EYS: variants seen among roughly 807,000 people sequenced by gnomAD.
EYS encodes protein eyes shut homolog.
In EYS, 250 loss-of-function variants were observed where a neutral mutation model predicts 282.1. The ratio of observed to expected loss-of-function variants is 0.89; its 90% confidence interval spans 0.80 to 0.98. The LOEUF (loss-of-function observed/expected upper bound fraction) is 0.98. Ranked by LOEUF, EYS falls within the 50% of genes least tolerant of loss-of-function variation. The probability of loss-of-function intolerance (pLI) is 0.00; values close to 1 mark genes in which losing one functional copy is unlikely to be tolerated. For missense variants in EYS, 4,016 were observed against 3,709.0 expected (o/e 1.08, Z -2.15); for synonymous variants, 1,355 against 1,282.9 (o/e 1.06, Z -1.20).
Position 64,995,430 on chromosome 6 carries a change from TC to T in EYS, c.2259+2151del, listed in dbSNP as rs555176168. 1.9e-3 allele frequency among the ~76,000 whole-genome samples: 285 copies of T among 152,270 alleles called. 2 individuals are homozygous for T. Among genetic ancestry groups the T allele is most frequent in the African/African-American group, 6.8e-3 (281 of 41,558 alleles). On this transcript the variant is annotated intron_variant, in intron 14 of 42. Coordinates refer to ENST00000503581, the MANE Select transcript of EYS (RefSeq NM_001142800.2). ...AAAAAGTAAAACAGTTTTTCTGAGT[TC>T]TTCTTATACATTATCAAACCTGAGG...
intron 2 of EYS, among the ~76,000 whole-genome samples, chr6:65,541,811 T>C (rs1768178947): frequency 6.6e-6 from 1 of 152,110 alleles, no homozygotes; most frequent in Non-Finnish European, 1.5e-5. Flanking sequence ...AAAATGAAGA[T>C]GTGTTCCAAT....
chr6:64,036,271 T>C (rs1222197563), intron 33 of EYS, among the ~76,000 whole-genome samples: 1 of 151,406 alleles, frequency 6.6e-6, no homozygotes, highest in East Asian at 1.9e-4. Context: ...GGTGATGGAG[T>C]TTGGGTGCAG....
intron 26 of EYS, among the ~76,000 whole-genome samples, chr6:64,543,619 G>A (rs1764755708): frequency 6.6e-6 from 1 of 152,098 alleles, no homozygotes; most frequent in Non-Finnish European, 1.5e-5. Flanking sequence ...CAATCTAGCT[G>A]TATTAACACA....
intron 19 of EYS, among the ~76,000 whole-genome samples, chr6:64,830,065 C>A (rs934425564): frequency 6.6e-6 from 1 of 151,790 alleles, no homozygotes; most frequent in Non-Finnish European, 1.5e-5. Flanking sequence ...AATCCTAACC[C>A]CTAAAGTGAT....
rs200471206 is a variant in EYS, at chr6:63,864,215, T to C, written c.7199A>G (p.Tyr2400Cys). ...SGTDIVCLCPYGRSGPLCTDA... is the reference protein window; with the variant it reads ...SGTDIVCLCPCGRSGPLCTDA... Reference sequence around the variant, plus strand: ...AGTGCAGAGGGGTCCAGACCTCCCATATGGGCAGAGGCAGACAATATCTGT... The same window carrying C: ...AGTGCAGAGGGGTCCAGACCTCCCACATGGGCAGAGGCAGACAATATCTGT... Residue 2400 changes from tyrosine to cysteine, a missense_variant, in exon 36 of 43, where the codon TAT (tyrosine) becomes TGT (cysteine). Tyr to Cys is a radical substitution (Grantham distance 194). Coordinates refer to ENST00000503581, the MANE Select transcript of EYS (RefSeq NM_001142800.2). 7.8e-6 allele frequency: 12 copies of C among 1,546,896 alleles called. No homozygotes were observed. Among genetic ancestry groups the C allele is most frequent in the African/African-American group, 2.7e-5 (2 of 72,946 alleles).
chr6:65,420,944 G>T (rs1265284085), intron 5 of EYS, among the ~76,000 whole-genome samples: 2 of 151,776 alleles, frequency 1.3e-5, no homozygotes, highest in East Asian at 3.9e-4. Flanking sequence ...CTGTAAACAG[G>T]TGTGTGGTCA....
intron 35 of EYS, among the ~76,000 whole-genome samples, chr6:63,945,291 T>G (rs1765362717): frequency 6.6e-6 from 1 of 152,036 alleles, no homozygotes; most frequent in Admixed American, 6.6e-5. Context: ...AGGAAGGCCC[T>G]TATAAAACCA....
At chr6:64,844,834 A>G (rs2150037310) in intron 19 of EYS, among the ~76,000 whole-genome samples, 1 of 152,302 alleles carries the variant, frequency 6.6e-6, no homozygotes, top group South Asian at 2.1e-4. Context: ...TGGTAATTTC[A>G]AAAACCATTA....
At chr6:64,824,825 A>T (rs1765002919) in intron 19 of EYS, among the ~76,000 whole-genome samples, 1 of 151,850 alleles carries the variant, frequency 6.6e-6, no homozygotes, top group African/African-American at 2.4e-5. Flanking sequence ...CATCATCAAG[A>T]TTATCTTAGG....
intron 31 of EYS, among the ~76,000 whole-genome samples, chr6:64,097,025 C>T (rs1447664862): frequency 6.6e-6 from 1 of 152,114 alleles, no homozygotes; most frequent in Non-Finnish European, 1.5e-5. Flanking sequence ...CACTCCAGAC[C>T]CTTTTTGCCT....
intron 5 of EYS, among the ~76,000 whole-genome samples, chr6:65,478,749 T>C (rs1765495959): frequency 6.6e-6 from 1 of 151,962 alleles, no homozygotes; most frequent in African/African-American, 2.4e-5. Flanking sequence ...CACTGAAGAG[T>C]TGCTTGTTTC....
chr6:65,613,816 A>T (rs1207751255), intron 2 of EYS, among the ~76,000 whole-genome samples: 1 of 151,900 alleles, frequency 6.6e-6, no homozygotes, highest in Non-Finnish European at 1.5e-5. Flanking sequence ...ATATGTTTTC[A>T]TTTGTAATAT....
At position 65,578,626 on chromosome 6, in the gene EYS, GT is replaced by G. The variant is rs529807265; in HGVS notation, c.-333+61151del. On this transcript the variant is annotated intron_variant, in intron 2 of 42. Coordinates refer to ENST00000503581, the MANE Select transcript of EYS (RefSeq NM_001142800.2). The stretch of plus-strand genomic sequence containing the variant: ...CAGTATTAAAAAAAATGATAAGTGT[GT>G]GAGGTAATGCATAGGTAAAATAGCT... Among the ~76,000 whole-genome samples, 224 of 151,978 alleles carry G rather than the reference GT, an allele frequency of 1.5e-3. 1 individual carries two copies. Among genetic ancestry groups the G allele is most frequent in the African/African-American group, 4.6e-3 (192 of 41,510 alleles).
chr6:65,534,470 G>T (rs57672364), intron 2 of EYS, among the ~76,000 whole-genome samples: 15,155 of 152,008 alleles, frequency 0.1, 1,064 homozygotes, highest in African/African-American at 0.18. Flanking sequence ...ACAATGGCCA[G>T]ACCATATATG....
intron 30 of EYS, among the ~76,000 whole-genome samples, chr6:64,236,872 G>A (rs558283885): frequency 1.4e-4 from 21 of 151,718 alleles, no homozygotes; most frequent in Admixed American, 1.2e-3. Context: ...TAAATGACGA[G>A]TTAATGGGTG....
chr6:64,638,088 T>C (rs551071565), intron 22 of EYS, among the ~76,000 whole-genome samples: 1 of 91,138 alleles, frequency 1.1e-5, no homozygotes, highest in South Asian at 4.5e-4. Flanking sequence ...CCCACTGTCC[T>C]GAACTGACAG....
At chr6:64,793,326 G>A (rs1201551275) in intron 22 of EYS, among the ~76,000 whole-genome samples, 2 of 152,048 alleles carry the variant, frequency 1.3e-5, no homozygotes, top group African/African-American at 2.4e-5. Context: ...AATCAAAAAT[G>A]TAAGAATTTG....
chr6:64,785,516 G>A (rs986540298), intron 22 of EYS, among the ~76,000 whole-genome samples: 2 of 152,072 alleles, frequency 1.3e-5, no homozygotes, highest in Non-Finnish European at 2.9e-5. Flanking sequence ...AGCACCACCA[G>A]GTTAGAATTT....
chr6:64,195,551 G>A (rs945844033), intron 31 of EYS, among the ~76,000 whole-genome samples: 4 of 152,002 alleles, frequency 2.6e-5, no homozygotes, highest in African/African-American at 9.7e-5. Flanking sequence ...TCCGCCCCTC[G>A]ACCTCCCAAA....
Sources: gnomAD v4.1 joint callset for allele counts (sites outside exome capture counted in the v4.1 genomes callset) on GRCh38, gnomAD v4.1.1 for gene constraint, MANE v1.5 for transcripts, NCBI Gene and HGNC (gene_info 2026-07-23, HGNC 2026-07-21) for gene names.